Variants in FMN1 observed in about 807,000 individuals in gnomAD.
The protein encoded by FMN1 is formin-1.
Under a neutral mutation model 132.4 loss-of-function variants are expected in FMN1, and 110 were observed. The observed-to-expected ratio is 0.83, with a 90% CI of 0.71 to 0.97. The LOEUF is 0.97. Ranked by LOEUF, FMN1 falls within the 50% of genes least tolerant of loss-of-function variation. FMN1 has a pLI of 0.00. For missense variants in FMN1, 1,792 were observed against 1,705.3 expected (o/e 1.05, Z -0.90); for synonymous variants, 722 against 651.7 (o/e 1.11, Z -1.64).
chr15:33,035,839 G>A (rs2036165713), intron 6 of FMN1, among the ~76,000 whole-genome samples: 1 of 152,212 alleles, frequency 6.6e-6, no homozygotes, highest in South Asian at 2.1e-4. Context: ...GGGCCTTTAA[G>A]AGGTGATTCG....
chr15:33,088,814 C>A lies in FMN1; in HGVS notation c.2028G>T (p.Leu676Phe), dbSNP rs62000392. ...TTCTACTTACATGGAGATCCAAGTA[C>A]AATTCGCTCCTGTTTGACTTCTCCC... The part of the protein sequence containing the change: ...EEREKSNRSE[L>F]YLDLHPDHSL... Residue 676 changes from leucine to phenylalanine, a missense_variant, in exon 5 of 21, where the codon TTG (leucine) becomes TTT (phenylalanine). By Grantham distance (22) the Leu-to-Phe change is conservative (BLOSUM62 0). Coordinates refer to ENST00000616417, the MANE Select transcript of FMN1 (RefSeq NM_001277313.2). 24 of 1,535,508 alleles carry A rather than the reference C, an allele frequency of 1.6e-5. No individual in the cohort carries two copies. The highest frequency in any genetic ancestry group is 2.1e-5 in the Non-Finnish European group (24 of 1,146,638).
At chr15:33,115,459 G>A (rs1334214294) in intron 4 of FMN1, among the ~76,000 whole-genome samples, 1 of 151,806 alleles carries the variant, frequency 6.6e-6, no homozygotes, top group Non-Finnish European at 1.5e-5. Flanking sequence ...CTTGTGTACA[G>A]CCTTGCTAAG....
intron 4 of FMN1, chr15:33,105,667 GATTA>G (rs778838936): frequency 2.6e-5 from 4 of 152,072 alleles, no homozygotes; most frequent in Non-Finnish European, 4.4e-5. Context: ...GATATCTAAA[GATTA>G]ATTACTTCCT....
intron 4 of FMN1, chr15:33,149,994 T>G: frequency 3.0e-6 from 3 of 985,370 alleles, no homozygotes; most frequent in Non-Finnish European, 2.4e-6. Flanking sequence ...GCACAAGAAT[T>G]GATCAAGAGA....
intron 9 of FMN1, among the ~76,000 whole-genome samples, chr15:32,936,495 C>G (rs1040661461): frequency 2.6e-5 from 4 of 152,184 alleles, no homozygotes; most frequent in Admixed American, 6.5e-5. Flanking sequence ...TCCCTGCTCT[C>G]TCTAGTGTCT....
chr15:33,017,190 A>G (rs1019583534), intron 6 of FMN1, among the ~76,000 whole-genome samples: 2 of 152,008 alleles, frequency 1.3e-5, no homozygotes, highest in Non-Finnish European at 2.9e-5. Flanking sequence ...GAATCAGTGG[A>G]GCGACAGGGG....
At chr15:33,119,025 T>C (rs1475693109) in intron 4 of FMN1, among the ~76,000 whole-genome samples, 1 of 152,188 alleles carries the variant, frequency 6.6e-6, no homozygotes, top group East Asian at 1.9e-4. Context: ...TCAGCACCCC[T>C]GCAGGTATCA....
intron 17 of FMN1, among the ~76,000 whole-genome samples, chr15:32,847,384 C>A (rs2058882894): frequency 6.6e-6 from 1 of 152,122 alleles, no homozygotes; most frequent in African/African-American, 2.4e-5. Flanking sequence ...TACCTCCAAA[C>A]CCAACCACTA....
At chr15:32,840,659 T>A (rs904023699) in intron 17 of FMN1, among the ~76,000 whole-genome samples, 3 of 152,110 alleles carry the variant, frequency 2.0e-5, no homozygotes, top group African/African-American at 7.2e-5. Context: ...GGACAGGCAG[T>A]CGTGTGGGTG....
At chr15:32,904,579 T>A (rs909780287) in intron 12 of FMN1, among the ~76,000 whole-genome samples, 1 of 152,050 alleles carries the variant, frequency 6.6e-6, no homozygotes, top group Non-Finnish European at 1.5e-5. Flanking sequence ...GGCAAATGGA[T>A]GAGGAAGCTG....
chr15:33,003,279 G>A (rs539491915), intron 7 of FMN1, among the ~76,000 whole-genome samples: 7 of 152,090 alleles, frequency 4.6e-5, no homozygotes, highest in South Asian at 4.1e-4. Context: ...TGCAGATGAC[G>A]TGATTGTGTA....
chr15:33,116,125 G>C (rs2039914797), intron 4 of FMN1, among the ~76,000 whole-genome samples: 1 of 152,176 alleles, frequency 6.6e-6, no homozygotes, highest in Non-Finnish European at 1.5e-5. Context: ...CATTTGGATA[G>C]TACTATGGTT....
chr15:33,110,859 A>G (rs2039675525), intron 4 of FMN1, among the ~76,000 whole-genome samples: 1 of 152,106 alleles, frequency 6.6e-6, no homozygotes, highest in South Asian at 2.1e-4. Flanking sequence ...ACATTAAAAC[A>G]ATTTTTAATG....
intron 17 of FMN1, among the ~76,000 whole-genome samples, chr15:32,816,367 T>C (rs2058059622): frequency 6.6e-6 from 1 of 152,206 alleles, no homozygotes; most frequent in Admixed American, 6.5e-5. Context: ...ACACACATTA[T>C]ATATATAGTT....
At chr15:32,989,494 C>A (rs1040515808) in intron 7 of FMN1, among the ~76,000 whole-genome samples, 1 of 151,724 alleles carries the variant, frequency 6.6e-6, no homozygotes, top group Non-Finnish European at 1.5e-5. Flanking sequence ...AGGGAAATAG[C>A]GGAAGAGAAA....
At chr15:33,033,109 CA>C (rs2036018139) in intron 6 of FMN1, among the ~76,000 whole-genome samples, 1 of 152,050 alleles carries the variant, frequency 6.6e-6, no homozygotes, top group South Asian at 2.1e-4. Flanking sequence ...CGGCTCACTG[CA>C]AGCTCTGCCT....
At chr15:32,828,126 T>C (rs2058415606) in intron 17 of FMN1, among the ~76,000 whole-genome samples, 1 of 152,004 alleles carries the variant, frequency 6.6e-6, no homozygotes, top group Non-Finnish European at 1.5e-5. Flanking sequence ...AATACAAAAA[T>C]TAGCCGGCAT....
intron 4 of FMN1, among the ~76,000 whole-genome samples, chr15:33,133,612 C>T (rs991267836): frequency 3.9e-5 from 6 of 152,172 alleles, no homozygotes; most frequent in Non-Finnish European, 7.3e-5. Flanking sequence ...CCCACAGTTT[C>T]TGTAATTGTG....
At chr15:32,823,168 T>TTGTTTTG (rs1555464738) in intron 17 of FMN1, among the ~76,000 whole-genome samples, 3 of 99,150 alleles carry the variant, frequency 3.0e-5, no homozygotes, top group Non-Finnish European at 6.7e-5. Flanking sequence ...TTTTTTTTTT[T>TTGTTTTG]TTTTTTTTTT....
Sources: gnomAD v4.1 joint callset for allele counts (sites outside exome capture counted in the v4.1 genomes callset) on GRCh38, gnomAD v4.1.1 for gene constraint, MANE v1.5 for transcripts, NCBI Gene and HGNC (gene_info 2026-07-23, HGNC 2026-07-21) for gene names.